LAMA1: variants seen among roughly 807,000 people sequenced by gnomAD.
The protein encoded by LAMA1 is laminin subunit alpha-1.
Under a neutral mutation model 348.7 loss-of-function variants are expected in LAMA1, and 219 were observed. The ratio of observed to expected loss-of-function variants is 0.63; its 90% CI spans 0.56 to 0.70. The LOEUF is 0.70. LAMA1 is among the 30% of genes least tolerant of loss of function. The pLI is 0.00. For missense variants in LAMA1, 3,744 were observed against 3,888.0 expected (o/e 0.96, Z 0.99); for synonymous variants, 1,487 against 1,491.0 (o/e 1.00, Z 0.06).
chr18:7,002,255 G>A lies in LAMA1; in HGVS notation c.4382+9C>T, dbSNP rs756123824. The A allele has an allele frequency of 3.7e-6, 6 of 1,610,616 alleles. No homozygotes were observed. The African/African-American group carries it at 4.0e-5, about 11-fold the overall frequency. On this transcript the variant is annotated intron_variant, in intron 30 of 62. Coordinates refer to ENST00000389658, the MANE Select transcript of LAMA1 (RefSeq NM_005559.4). ...GCCCAGCATGCCAGCTGCCCCTGTG[G>A]GGACTCACCTGGCAGGAGGGCTGTG...
At chr18:7,108,625 A>AT (rs201919971) in intron 1 of LAMA1, among the ~76,000 whole-genome samples, 1,484 of 126,302 alleles carry the variant, frequency 0.012, 39 homozygotes, top group African/African-American at 0.042. Flanking sequence ...CACTGCACTG[A>AT]GACAGACTCT....
At chr18:7,052,375 G>T (rs549413202) in intron 3 of LAMA1, among the ~76,000 whole-genome samples, 1 of 151,632 alleles carries the variant, frequency 6.6e-6, no homozygotes, top group South Asian at 2.1e-4. Context: ...AGGTTACAGG[G>T]AGCTGAGATT....
chr18:7,043,040 G>A (rs1185511373), intron 8 of LAMA1, 187 bp downstream of exon 8: 8 of 617,206 alleles, frequency 1.3e-5, no homozygotes, highest in Admixed American at 5.8e-5. Context: ...AACAATGACT[G>A]ACATCTTATT....
chr18:6,975,912 C>A (rs1408767882), intron 45 of LAMA1, 25 bp downstream of exon 45: 1 of 1,613,640 alleles, frequency 6.2e-7, no homozygotes, highest in South Asian at 1.1e-5. Context: ...GATTCAGTGT[C>A]GCTTTCCAAA....
intron 36 of LAMA1, among the ~76,000 whole-genome samples, chr18:6,990,115 C>G (rs678547): frequency 0.7 from 107,145 of 152,126 alleles, 37,946 homozygotes; most frequent in East Asian, 0.89. Context: ...GGTTTAGATA[C>G]TAACATCATC....
intron 1 of LAMA1, among the ~76,000 whole-genome samples, chr18:7,083,693 C>T (rs938381804): frequency 2.6e-5 from 4 of 152,082 alleles, no homozygotes; most frequent in African/African-American, 9.7e-5. Flanking sequence ...TGATGTCTTA[C>T]ATATTATATT....
rs199719835 is a variant in LAMA1, at chr18:6,977,834, G to C, written c.6238C>G (p.Leu2080Val). Residue 2080 changes from leucine to valine, a missense_variant, in exon 44 of 63, where the codon CTT becomes GTT. This residue lies in a region of LAMA1 where 1,983 missense variants were observed against 1,934.3 expected (regional missense o/e 1.03). Transcript: ENST00000389658. ...KVKDVEIQAN[L>V]LFDRLKPLKM... ...AAAGGCTTCAACCGATCAAACAAAA[G>C]GTTGGCTTGAATTTCCACGTCTTTG... The C allele has an allele frequency of 1.2e-6, 2 of 1,614,016 alleles. No individual in the cohort carries two copies. The highest frequency in any genetic ancestry group is 1.7e-5 in the Admixed American group (1 of 60,026).
At chr18:7,106,274 G>A (rs1273838893) in intron 1 of LAMA1, among the ~76,000 whole-genome samples, 2 of 152,104 alleles carry the variant, frequency 1.3e-5, no homozygotes, top group East Asian at 3.9e-4. Context: ...TCCTTGCATT[G>A]CTGTGTAAAC....
At position 6,992,673 on chromosome 18, in the gene LAMA1, G is replaced by C. The variant is rs747890266; in HGVS notation, c.5056C>G (p.Leu1686Val). Residue 1686 changes from leucine (L) to valine (V), a missense_variant, in exon 36 of 63, where the codon CTA becomes GTA. By Grantham distance (32) the Leu-to-Val change is conservative. Around this residue, in one of 3 missense-constraint regions of LAMA1, gnomAD observed 1,983 missense variants for 1,934.3 expected, o/e 1.03. Coordinates refer to ENST00000389658, the MANE Select transcript of LAMA1 (RefSeq NM_005559.4). Reference sequence around the variant, plus strand: ...TTCTGAAGAGTAGAATTGGGTAGTAGGAAATCTTCATCCAAAGTCTGATTT... The same window carrying C: ...TTCTGAAGAGTAGAATTGGGTAGTACGAAATCTTCATCCAAAGTCTGATTT... ...TLNQTLDEDF[L>V]LPNSTLQNMQ... The C allele has an allele frequency of 1.9e-5, 31 of 1,613,512 alleles. No homozygotes were observed. The highest frequency in any genetic ancestry group is 2.5e-5 in the Non-Finnish European group (30 of 1,179,532).
intron 25 of LAMA1, 39 bp downstream of exon 25, chr18:7,011,261 G>A (rs1350936598): frequency 6.2e-7 from 1 of 1,601,892 alleles, no homozygotes; most frequent in Admixed American, 1.7e-5. Context: ...GTATATCCTA[G>A]GAAGCACCGA....
chr18:7,115,669 T>C (rs555517254), intron 1 of LAMA1, among the ~76,000 whole-genome samples: 31 of 137,476 alleles, frequency 2.3e-4, no homozygotes, highest in African/African-American at 8.0e-4. Context: ...AATCGTTTCT[T>C]AAAAAAAAAA....
intron 62 of LAMA1, among the ~76,000 whole-genome samples, 158 bp downstream of exon 62, chr18:6,943,022 A>C (rs866413290): frequency 3.3e-5 from 5 of 151,998 alleles, no homozygotes; most frequent in Middle Eastern, 3.4e-3. Context: ...AAGTTATCCA[A>C]GAATTCTTAG....
chr18:7,017,586 T>C (rs570595043), intron 19 of LAMA1, among the ~76,000 whole-genome samples: 1 of 152,224 alleles, frequency 6.6e-6, no homozygotes, highest in East Asian at 1.9e-4. Context: ...GAAGGATCCA[T>C]CACAGGAAAA....
intron 57 of LAMA1, among the ~76,000 whole-genome samples, chr18:6,953,325 T>C (rs866835520): frequency 7.9e-5 from 12 of 152,288 alleles, no homozygotes; most frequent in South Asian, 2.1e-4. Context: ...CTGATTTTAC[T>C]CAATAATGCC....
At chr18:7,000,761 T>C (rs1309147663) in intron 30 of LAMA1, among the ~76,000 whole-genome samples, 2 of 152,214 alleles carry the variant, frequency 1.3e-5, no homozygotes, top group Non-Finnish European at 2.9e-5. Context: ...CAAGTCTGGT[T>C]CCTTTTCGTT....
Position 6,964,810 on chromosome 18 carries a change from G to A in LAMA1, c.7196-7C>T, listed in dbSNP as rs376460942. ...TCGATAACTGCTAGCACTCCTAAAA[G>A]GAGAGCACAGGCAAGAGATAAGAAA... On this transcript the variant is annotated splice_polypyrimidine_tract_variant and splice_region_variant and intron_variant, in intron 50 of 62. Coordinates refer to ENST00000389658, the MANE Select transcript of LAMA1 (RefSeq NM_005559.4). 272 of 1,613,878 alleles carry A rather than the reference G, an allele frequency of 1.7e-4. No individual in the cohort carries two copies. The highest frequency in any genetic ancestry group is 2.1e-4 in the Non-Finnish European group (244 of 1,180,014).
intron 46 of LAMA1, among the ~76,000 whole-genome samples, chr18:6,973,720 T>C (rs2057668894): frequency 6.6e-6 from 1 of 152,180 alleles, no homozygotes; most frequent in Non-Finnish European, 1.5e-5. Context: ...TACACCTCTC[T>C]CCTGAGGAAT....
rs1330202633 is a variant in LAMA1 at position 6,961,723 on chromosome 18, T to C, written c.7489A>G (p.Ile2497Val). 3 of 1,614,024 alleles carry C rather than the reference T, an allele frequency of 1.9e-6. No homozygotes were observed. The highest frequency in any genetic ancestry group is 2.5e-6 in the Non-Finnish European group (3 of 1,180,036). The change falls in exon 53 of 63, where the codon ATT becomes GTT. Residue 2497 changes from isoleucine (I) to valine (V), a missense_variant. Around this residue, in one of 3 missense-constraint regions of LAMA1, gnomAD observed 1,983 missense variants for 1,934.3 expected, o/e 1.03. Coordinates refer to ENST00000389658, the MANE Select transcript of LAMA1 (RefSeq NM_005559.4). ...GACAAAGATTTGGGTGGCAATTCAA[T>C]GTAGCCGCCTTTCAGGAAGCTAACA... Reference protein sequence around the residue: ...RSVSFLKGGYIELPPKSLSPE... With the variant: ...RSVSFLKGGYVELPPKSLSPE...
chr18:7,063,500 G>A (rs1400481320), intron 3 of LAMA1, among the ~76,000 whole-genome samples: 1 of 151,998 alleles, frequency 6.6e-6, no homozygotes, highest in African/African-American at 2.4e-5. Context: ...CCTCTTCCAG[G>A]TATATATCCA....
Sources: allele counts gnomAD v4.1 joint callset (sites outside exome capture counted in the v4.1 genomes callset), GRCh38; gene constraint gnomAD v4.1.1; regional missense constraint gnomAD v4.1.1; transcripts MANE v1.5; gene names NCBI Gene and HGNC (gene_info 2026-07-23, HGNC 2026-07-21).